The following AR variants were observed in gnomAD, a reference collection of about 807,000 sequenced individuals.
AR encodes dihydrotestosterone receptor.
Under a neutral mutation model 53.9 loss-of-function variants are expected in AR, and 8 were observed. The observed-to-expected ratio is 0.15, with a 90% CI of 0.09 to 0.27. The LOEUF is 0.27. AR is among the 10% of genes least tolerant of loss of function. The pLI is 1.00. For synonymous variants in AR, 359 were observed against 316.4 expected (o/e 1.13, Z -1.43); for missense variants, 639 against 742.5 (o/e 0.86, Z 1.62).
In AR at chrX:67,674,196, C is replaced by G. The variant is rs752138404; in HGVS notation, c.1769-11814C>G. ...CTCTCTCTTTCTCTCTCTCTCTCTC[C>G]CTCTCATTCTCTGCCGACCTGCCTG... On this transcript the variant is annotated intron_variant, in intron 2 of 7. Transcript: ENST00000374690. Among the ~76,000 whole-genome samples the G allele has an allele frequency of 6.6e-3, 705 of 107,503 alleles. 2 individuals are homozygous for G. The highest frequency in any genetic ancestry group is 0.052 in the Middle Eastern group (11 of 212). 93.4% of individuals were successfully genotyped at this position (107,503 alleles called of 115,157 possible).
At position 67,722,985 on chromosome X, in the gene AR, G is replaced by A; in HGVS notation, c.2607+1G>A. On this transcript the variant is annotated splice_donor_variant, in intron 7 of 7. Transcript: ENST00000374690. LOFTEE classifies it high-confidence loss of function. Reference sequence around the variant, plus strand: ...CAAGCTCCTGGACTCCGTGCAGCCTGTAAGCAAACGATGGAGGGTGCTTTA... The same window carrying A: ...CAAGCTCCTGGACTCCGTGCAGCCTATAAGCAAACGATGGAGGGTGCTTTA... The A allele has an allele frequency of 8.3e-7, 1 of 1,211,352 alleles. No individual in the cohort carries two copies. Among genetic ancestry groups the A allele is most frequent in the Non-Finnish European group, 1.1e-6 (1 of 895,186 alleles).
chrX:67,718,781 C>T (rs961854660), intron 5 of AR, among the ~76,000 whole-genome samples: 4 of 111,248 alleles, frequency 3.6e-5, no homozygotes, highest in African/African-American at 1.3e-4. Context: ...TTATAGATGC[C>T]CGCCACCGTG....
intron 1 of AR, among the ~76,000 whole-genome samples, chrX:67,563,847 G>A (rs777650636): frequency 9.8e-5 from 11 of 112,000 alleles, no homozygotes; most frequent in Non-Finnish European, 1.9e-4. Flanking sequence ...GGAACAGAAT[G>A]ACTCAATGCA....
intron 1 of AR, among the ~76,000 whole-genome samples, chrX:67,626,152 C>T (rs1049689002): frequency 1.4e-4 from 15 of 111,105 alleles, no homozygotes; most frequent in Admixed American, 1.2e-3. Flanking sequence ...CTATCAAATA[C>T]TATATGTTAT....
At chrX:67,576,861 CT>C (rs1294830844) in intron 1 of AR, among the ~76,000 whole-genome samples, 1 of 110,186 alleles carries the variant, frequency 9.1e-6, no homozygotes, top group Non-Finnish European at 1.9e-5. Flanking sequence ...TATTTTTATT[CT>C]CTCTCTTGGA....
At chrX:67,599,053 A>G (rs1037167688) in intron 1 of AR, among the ~76,000 whole-genome samples, 5 of 111,461 alleles carry the variant, frequency 4.5e-5, no homozygotes, top group African/African-American at 1.6e-4. Context: ...TAACCAGAAG[A>G]GGGTACCCAA....
At chrX:67,705,449 G>C (rs930585690) in intron 3 of AR, among the ~76,000 whole-genome samples, 34 of 111,175 alleles carry the variant, frequency 3.1e-4, no homozygotes, top group African/African-American at 9.5e-4. Flanking sequence ...TTCTGTTTGT[G>C]TGTTATTGGT....
intron 3 of AR, among the ~76,000 whole-genome samples, chrX:67,710,443 C>T (rs1481401774): frequency 1.8e-5 from 2 of 111,102 alleles, no homozygotes; most frequent in African/African-American, 6.6e-5. Flanking sequence ...ACCTCTGCCT[C>T]CTGAGTAGCA....
intron 1 of AR, among the ~76,000 whole-genome samples, chrX:67,602,106 G>A (rs1239171686): frequency 8.9e-6 from 1 of 112,100 alleles, no homozygotes; most frequent in Non-Finnish European, 1.9e-5. Context: ...AAATTTTCTG[G>A]AAAGTTTACA....
chrX:67,714,423 A>T (rs375825085), intron 4 of AR, among the ~76,000 whole-genome samples: 6 of 111,928 alleles, frequency 5.4e-5, no homozygotes, highest in Non-Finnish European at 1.1e-4. Flanking sequence ...ACTCAATTTT[A>T]GCTACCACTT....
intron 4 of AR, among the ~76,000 whole-genome samples, chrX:67,713,270 G>C (rs747664298): frequency 9.1e-6 from 1 of 110,494 alleles, no homozygotes; most frequent in African/African-American, 3.3e-5. Flanking sequence ...TACCTTCTCA[G>C]CTTGGGAAGC....
At chrX:67,682,438 C>G (rs2075940461) in intron 2 of AR, among the ~76,000 whole-genome samples, 1 of 109,818 alleles carries the variant, frequency 9.1e-6, no homozygotes, top group Admixed American at 9.7e-5. Flanking sequence ...GTGCACACCA[C>G]CACACCTAGC....
chrX:67,568,864 C>T (rs1921671793), intron 1 of AR: 9 of 1,177,859 alleles, frequency 7.6e-6, no homozygotes, highest in South Asian at 1.9e-5. Context: ...AGGGATTCCT[C>T]GGAGGTCATC....
In AR at chrX:67,581,398, A is replaced by C. The variant is rs1338074371; in HGVS notation, c.1616+34636A>C. The stretch of plus-strand genomic sequence containing the variant: ...ATTTCAATGTTGAAAAAAATATTGA[A>C]TATTTATAAAGTCAAAAATGCAAAC... On this transcript the variant is annotated intron_variant, in intron 1 of 7. Coordinates refer to ENST00000374690, the MANE Select transcript of AR (RefSeq NM_000044.6). Among the ~76,000 whole-genome samples, 4 of 111,940 alleles carry C rather than the reference A, an allele frequency of 3.6e-5. No individual in the cohort carries two copies. The Admixed American group carries it at 3.8e-4, about 11-fold the overall frequency.
At chrX:67,581,829 G>A (rs1303571085) in intron 1 of AR, among the ~76,000 whole-genome samples, 3 of 111,386 alleles carry the variant, frequency 2.7e-5, no homozygotes, top group Non-Finnish European at 5.7e-5. Flanking sequence ...TACGACAGAG[G>A]TAATAGAAAT....
intron 1 of AR, among the ~76,000 whole-genome samples, chrX:67,638,606 C>T (rs760281058): frequency 9.8e-5 from 11 of 111,795 alleles, no homozygotes; most frequent in African/African-American, 2.0e-4. Flanking sequence ...GTTTGTTGAC[C>T]GCATAAATGT....
chrX:67,687,709 T>G (rs1307811652), intron 3 of AR, among the ~76,000 whole-genome samples: 4 of 112,279 alleles, frequency 3.6e-5, no homozygotes, highest in African/African-American at 1.3e-4. Flanking sequence ...TGTCAATTAT[T>G]TAGCCTTCTG....
intron 2 of AR, among the ~76,000 whole-genome samples, chrX:67,665,832 AC>A (rs754385961): frequency 6.3e-5 from 7 of 111,859 alleles, no homozygotes; most frequent in African/African-American, 1.9e-4. Context: ...GCTGACTCAC[AC>A]CATGGAATAT....
At chrX:67,589,257 G>A (rs748655533) in intron 1 of AR, among the ~76,000 whole-genome samples, 5 of 102,531 alleles carry the variant, frequency 4.9e-5, no homozygotes, top group East Asian at 6.2e-4. Context: ...GCGACAGAGC[G>A]AGACTCCGTC....
Sources: allele counts gnomAD v4.1 joint callset (sites outside exome capture counted in the v4.1 genomes callset), GRCh38; gene constraint gnomAD v4.1.1; transcripts MANE v1.5; gene names NCBI Gene and HGNC (gene_info 2026-07-23, HGNC 2026-07-21).